Variants in IGLL5 observed in about 807,000 individuals in gnomAD.
The protein encoded by IGLL5 is immunoglobulin lambda like polypeptide 5, also known as immunoglobulin lambda-like polypeptide 5.
In IGLL5, 30 loss-of-function variants were observed where a neutral mutation model predicts 20.9. The ratio of observed to expected loss-of-function variants is 1.44; its 90% CI spans 1.07 to 1.95. The LOEUF is 1.95. Ranked by LOEUF, IGLL5 falls within the 30% of genes most tolerant of loss-of-function variation. The pLI, the probability that IGLL5 is intolerant of heterozygous loss-of-function variation, is 0.00. For missense variants in IGLL5, 475 were observed against 270.7 expected (o/e 1.75, Z -5.30); for synonymous variants, 203 against 117.3 (o/e 1.73, Z -4.72).
chr22:22,888,571 A>G (rs1601602191), intron 1 of IGLL5, among the ~76,000 whole-genome samples: 2 of 151,324 alleles, frequency 1.3e-5, no homozygotes, highest in African/African-American at 2.4e-5. Context: ...AGAGGCAGGG[A>G]CAGGACATCC....
At chr22:22,894,856 A>T (rs2066702837) in intron 2 of IGLL5, among the ~76,000 whole-genome samples, 2 of 151,418 alleles carry the variant, frequency 1.3e-5, no homozygotes, top group South Asian at 4.2e-4. Context: ...GGGCTGGGGC[A>T]GAGCCCGGTG....
intron 1 of IGLL5, among the ~76,000 whole-genome samples, chr22:22,889,045 A>C (rs553871478): frequency 6.6e-6 from 1 of 151,424 alleles, no homozygotes; most frequent in African/African-American, 2.4e-5. Flanking sequence ...CACCATTCCC[A>C]GTCCAGGACG....
At chr22:22,888,388 G>GC in intron 1 of IGLL5, 129 bp downstream of exon 1, 1 of 737,250 alleles carries the variant, frequency 1.4e-6, no homozygotes, top group East Asian at 2.7e-5. Context: ...GCTGACACTG[G>GC]CTTTAGTAAT....
In IGLL5 at chr22:22,888,212, A is replaced by C. The variant is rs545571564; in HGVS notation, c.159A>C (p.Gly53=). 1.3e-6 allele frequency: 2 copies of C among 1,548,354 alleles called. No individual in the cohort carries two copies. The highest frequency in any genetic ancestry group is 2.5e-5 in the East Asian group (1 of 40,608). The part of the protein sequence containing the change: ...VAPQSGDPDP[G]ASVGSSRSSL... Reference sequence around the variant, plus strand: ...CGCAAAGCGGGGACCCAGACCCTGGAGCCTCAGTTGGAAGCAGCCGATCCA... The same window carrying C: ...CGCAAAGCGGGGACCCAGACCCTGGCGCCTCAGTTGGAAGCAGCCGATCCA... The change falls in exon 1 of 3, where the codon GGA becomes GGC. Residue 53 remains glycine (G), a synonymous_variant. Transcript: ENST00000526893.
chr22:22,894,622 A>C lies in IGLL5; in HGVS notation c.326-753A>C, dbSNP rs2066675124. ...CCAGAGGGGAGTGAATGAGGGGTGC[A>C]GAGAACTCCATGGCTACCAGGTGAA... On this transcript the variant is annotated intron_variant, in intron 2 of 2. Coordinates refer to ENST00000526893, the MANE Select transcript of IGLL5 (RefSeq NM_001178126.2). Among the ~76,000 whole-genome samples, 3 of 151,084 alleles carry C rather than the reference A, an allele frequency of 2.0e-5. 1 individual carries two copies. Among genetic ancestry groups the C allele is most frequent in the East Asian group, 4.1e-4 (2 of 4,902 alleles).
intron 2 of IGLL5, 39 bp downstream of exon 2, chr22:22,893,857 C>A (rs1037935324): frequency 1.5e-6 from 2 of 1,337,362 alleles, no homozygotes; most frequent in African/African-American, 1.4e-5. Flanking sequence ...GTCTCACCCT[C>A]TGCTGTCCCT....
chr22:22,889,324 G>T (rs754368059), intron 1 of IGLL5, among the ~76,000 whole-genome samples: 92 of 151,096 alleles, frequency 6.1e-4, no homozygotes, highest in Non-Finnish European at 7.7e-4. Context: ...GAGCAGACAC[G>T]CTCGGGGACT....
rs984796574 is a variant in IGLL5 at position 22,895,305 on chromosome 22, CAGAG to C, written c.326-65_326-62del. On this transcript the variant is annotated intron_variant, in intron 2 of 2. Transcript: ENST00000526893. ...TGTGAACCCTCCCAGAGACTTTAGA[CAGAG>C]AGAGGGGCTCCACAACACCCCGGTA... 1.3e-5 allele frequency: 18 copies of C among 1,422,098 alleles called. No homozygotes were observed. In the African/African-American group the frequency reaches 2.4e-4, roughly 19 times the overall value. The allele number at this position is 1,422,098 out of a possible 1,614,324, so 88.1% of individuals were successfully genotyped here.
At chr22:22,889,623 T>G (rs2067740149) in intron 1 of IGLL5, among the ~76,000 whole-genome samples, 1 of 151,310 alleles carries the variant, frequency 6.6e-6, no homozygotes, top group Admixed American at 6.6e-5. Flanking sequence ...AGTCTTGATC[T>G]GTTGCTCAGG....
At chr22:22,892,795 G>A (rs2067889639) in intron 1 of IGLL5, among the ~76,000 whole-genome samples, 1 of 151,036 alleles carries the variant, frequency 6.6e-6, no homozygotes, top group Non-Finnish European at 1.5e-5. Flanking sequence ...AGAAAATTAG[G>A]AGACTACAGA....
intron 1 of IGLL5, among the ~76,000 whole-genome samples, chr22:22,889,119 G>A (rs144631265): frequency 1.1e-4 from 17 of 151,062 alleles, no homozygotes; most frequent in Admixed American, 4.6e-4. Flanking sequence ...GGAAAAATCA[G>A]CACCGGATTG....
rs557242447 is a variant in IGLL5 at position 22,892,416 on chromosome 22, C to T, written c.207-1284C>T. Among the ~76,000 whole-genome samples, 168 of 151,140 alleles carry T rather than the reference C, an allele frequency of 1.1e-3. 7 individuals carry two copies. In the South Asian group the frequency reaches 0.034, roughly 31 times the overall value. ...GGAAAAACCTGAGGATGGTTGCCAT[C>T]ATAAACTCTTAGAGTGTGACCTGGG... On this transcript the variant is annotated intron_variant, in intron 1 of 2. Transcript: ENST00000526893.
chr22:22,895,020 A>C (rs1601629943), intron 2 of IGLL5, among the ~76,000 whole-genome samples: 1 of 151,448 alleles, frequency 6.6e-6, no homozygotes, highest in African/African-American at 2.4e-5. Flanking sequence ...AGGGGGGTAT[A>C]GGGATGGAAA....
rs2067562252 is a variant in IGLL5, at chr22:22,888,106, CT to C, written c.54del (p.Gly19ValfsTer90). On this transcript the variant is annotated frameshift_variant, in exon 1 of 3. Coordinates refer to ENST00000526893, the MANE Select transcript of IGLL5 (RefSeq NM_001178126.2). LOFTEE classifies it high-confidence loss of function. ...TGTGAGACCCCTGAGGAGCTGGGCC[CT>C]GGTCCCAGGCAGCGCTGGCCCCTGC... ...VGCETPEELG[P>X]GPRQRWPLLL... 1 of 1,549,496 alleles carries C rather than the reference CT, an allele frequency of 6.5e-7. No individual in the cohort carries two copies. The highest frequency in any genetic ancestry group is 2.0e-5 in the Admixed American group (1 of 50,830).
intron 1 of IGLL5, among the ~76,000 whole-genome samples, chr22:22,888,543 T>A (rs550908412): frequency 6.6e-6 from 1 of 151,408 alleles, no homozygotes; most frequent in East Asian, 2.0e-4. Context: ...GTCCTAGTCC[T>A]CTGGGTAGGG....
intron 2 of IGLL5, among the ~76,000 whole-genome samples, chr22:22,894,022 C>T (rs542702243): frequency 4.0e-5 from 6 of 149,662 alleles, no homozygotes; most frequent in South Asian, 4.4e-4. Flanking sequence ...CCGGATGCAG[C>T]CTGGTCCCGG....
intron 1 of IGLL5, among the ~76,000 whole-genome samples, chr22:22,888,963 G>A (rs530001696): frequency 7.9e-5 from 12 of 151,382 alleles, no homozygotes; most frequent in African/African-American, 2.4e-4. Context: ...TCAGAGGAGA[G>A]GAGAGCACAG....
chr22:22,889,153 G>C (rs2067691768), intron 1 of IGLL5, among the ~76,000 whole-genome samples: 1 of 151,162 alleles, frequency 6.6e-6, no homozygotes, highest in South Asian at 2.1e-4. Flanking sequence ...CGCCCGATTA[G>C]AGGAGGGAGG....
chr22:22,887,835 T>A lies in IGLL5; in HGVS notation c.-219T>A. 3.3e-6 allele frequency: 2 copies of A among 603,278 alleles called. No individual in the cohort carries two copies. Among genetic ancestry groups the A allele is most frequent in the Non-Finnish European group, 3.0e-6 (1 of 337,274 alleles). 37.4% of individuals were successfully genotyped at this position (603,278 alleles called of 1,614,324 possible). On this transcript the variant is annotated 5_prime_UTR_variant, in exon 1 of 3. Transcript: ENST00000526893. ...TGGATTGTGACCGCTTCAGGGCAGT[T>A]GGTAGATGCCCCTCTGGGAGAGATC... is the stretch of plus-strand genomic sequence containing the variant.
Sources: allele counts gnomAD v4.1 joint callset (sites outside exome capture counted in the v4.1 genomes callset), GRCh38; gene constraint gnomAD v4.1.1; transcripts MANE v1.5; gene names NCBI Gene and HGNC (gene_info 2026-07-23, HGNC 2026-07-21).